The following KCNQ4 variants were observed in gnomAD, a reference collection of about 807,000 sequenced individuals.
KCNQ4 encodes the protein potassium voltage-gated channel subfamily KQT member 4.
In KCNQ4, 31 loss-of-function variants were observed where a neutral mutation model predicts 72.6. The observed-to-expected ratio is 0.43, with a 90% CI of 0.32 to 0.58. The LOEUF (loss-of-function observed/expected upper bound fraction) is 0.58. Among genes scored for constraint, KCNQ4 ranks in the 20% least tolerant of loss-of-function variants. The probability of loss-of-function intolerance (pLI) is 0.08; values close to 1 mark genes in which losing one functional copy is unlikely to be tolerated. For missense variants in KCNQ4, 869 were observed against 962.6 expected, an observed-to-expected ratio of 0.90 and a Z score of 1.29; for synonymous variants, 405 against 403.7, an observed-to-expected ratio of 1.00 and a Z score of -0.04.
intron 1 of KCNQ4, among the ~76,000 whole-genome samples, chr1:40,809,981 C>T (rs557939099): frequency 6.6e-6 from 1 of 152,098 alleles, no homozygotes; most frequent in African/African-American, 2.4e-5. Context: ...ACGAGAATCT[C>T]TTGAACCCAG....
At chr1:40,819,655 G>A (rs565534315) in intron 5 of KCNQ4, among the ~76,000 whole-genome samples, 183 bp downstream of exon 5, 1 of 151,150 alleles carries the variant, frequency 6.6e-6, no homozygotes, top group East Asian at 2.0e-4. Flanking sequence ...TGGTGGACCT[G>A]CCTCTGTCCC....
chr1:40,785,668 A>C (rs1225968703), intron 1 of KCNQ4, among the ~76,000 whole-genome samples: 1 of 151,686 alleles, frequency 6.6e-6, no homozygotes, highest in East Asian at 1.9e-4. Flanking sequence ...GCATCTGCCT[A>C]TCCACCTGTC....
chr1:40,823,180 G>A (rs187011126), intron 8 of KCNQ4, among the ~76,000 whole-genome samples: 1 of 152,360 alleles, frequency 6.6e-6, no homozygotes, highest in Admixed American at 6.5e-5. Flanking sequence ...TCTGCACCTG[G>A]CTTCCCCATC....
chr1:40,819,783 C>A, intron 5 of KCNQ4, 92 bp from the exon 6 acceptor site: 1 of 1,077,596 alleles, frequency 9.3e-7, no homozygotes, highest in Non-Finnish European at 1.4e-6. Flanking sequence ...GGGCCCCTTC[C>A]CTCATGATCA....
chr1:40,810,647 A>C (rs1242265099), intron 1 of KCNQ4, among the ~76,000 whole-genome samples: 2 of 152,128 alleles, frequency 1.3e-5, no homozygotes, highest in Non-Finnish European at 2.9e-5. Flanking sequence ...GTCGAGAGAG[A>C]GAGCCGTGGA....
At chr1:40,827,674 G>A (rs1021666709) in intron 9 of KCNQ4, among the ~76,000 whole-genome samples, 1 of 152,180 alleles carries the variant, frequency 6.6e-6, no homozygotes, top group Non-Finnish European at 1.5e-5. Context: ...CTGCCCATGT[G>A]TGCTTCTGCT....
In KCNQ4 at chr1:40,790,852, T is replaced by G. The variant is rs931854343; in HGVS notation, c.314+6445T>G. 1.1e-3 allele frequency among the ~76,000 whole-genome samples: 174 copies of G among 152,164 alleles called. 1 individual carries two copies. The highest frequency in any genetic ancestry group is 3.8e-3 in the African/African-American group (158 of 41,520). On this transcript the variant is annotated intron_variant, in intron 1 of 13. Transcript: ENST00000347132. ...GCCGGGACCACTGGCCTCAGCTGCT[T>G]CTTCTCCCAGGGAGAGGTTTGGAGA...
rs746781318 is a variant in KCNQ4 at position 40,834,958 on chromosome 1, C to G, written c.1614-9C>G. ...CAGGACACTCCCTCTGAGCCCCCTC[C>G]CCCAACAGGATTCTCAAGTTCCTGG... On this transcript the variant is annotated splice_polypyrimidine_tract_variant and intron_variant, in intron 11 of 13. Coordinates refer to ENST00000347132, the MANE Select transcript of KCNQ4 (RefSeq NM_004700.4). The G allele has an allele frequency of 1.9e-6, 3 of 1,613,118 alleles. No homozygotes were observed. The Admixed American group carries it at 5.0e-5, about 27-fold the overall frequency.
At position 40,837,795 on chromosome 1, in the gene KCNQ4, G is replaced by A. The variant is rs1364593391; in HGVS notation, c.1875+1G>A. 1 of 1,606,892 alleles carries A rather than the reference G, an allele frequency of 6.2e-7. No individual in the cohort carries two copies. The highest frequency in any genetic ancestry group is 1.7e-5 in the Admixed American group (1 of 58,740). On this transcript the variant is annotated splice_donor_variant, in intron 13 of 13. Transcript: ENST00000347132. LOFTEE classifies it high-confidence loss of function. ...ACGCGTGGTCAAGGTGGAGAAGCAG[G>A]TGAGTGTAGGATGGGGTGGCGGAGC...
chr1:40,819,177 G>A (rs796482399), intron 4 of KCNQ4, among the ~76,000 whole-genome samples, 170 bp from the exon 5 acceptor site: 4 of 151,612 alleles, frequency 2.6e-5, no homozygotes, highest in African/African-American at 7.3e-5. Context: ...GAGTGCTGGC[G>A]GTTTCGCGAA....
Position 40,788,653 on chromosome 1 carries a change from G to A in KCNQ4, c.314+4246G>A, listed in dbSNP as rs1251713215. Among the ~76,000 whole-genome samples the A allele has an allele frequency of 1.3e-5, 2 of 152,178 alleles. No homozygotes were observed. The highest frequency in any genetic ancestry group is 2.9e-5 in the Non-Finnish European group (2 of 68,032). On this transcript the variant is annotated intron_variant, in intron 1 of 13. Coordinates refer to ENST00000347132, the MANE Select transcript of KCNQ4 (RefSeq NM_004700.4). The surrounding 1 kb of genome is among the most constrained non-coding windows in gnomAD (Gnocchi z 4.5). ...GGGAGCTGTTGCGCTCAGCACCACA[G>A]CCTCAGCTAGCAGCACCCCAAGTCC... is the stretch of plus-strand genomic sequence containing the variant.
intron 1 of KCNQ4, among the ~76,000 whole-genome samples, chr1:40,786,802 C>G (rs1292622860): frequency 6.6e-6 from 1 of 151,976 alleles, no homozygotes; most frequent in South Asian, 2.1e-4. Flanking sequence ...GCTTGAAAGA[C>G]GGTTGTTATT....
intron 1 of KCNQ4, among the ~76,000 whole-genome samples, chr1:40,786,046 G>T (rs1203155387): frequency 3.3e-5 from 5 of 152,172 alleles, no homozygotes. Context: ...AATATTTGTG[G>T]CTATAAAGAG....
rs199542863 is a variant in KCNQ4 at position 40,838,266 on chromosome 1, C to G, written c.1876-45C>G. Reference sequence around the variant, plus strand: ...CCCAAGCCCCGCCCCCGGCCGCGTCCCCTCCGGTCCCAGGCCCTGCTTCCC... The same window carrying G: ...CCCAAGCCCCGCCCCCGGCCGCGTCGCCTCCGGTCCCAGGCCCTGCTTCCC... On this transcript the variant is annotated intron_variant, in intron 13 of 13. Coordinates refer to ENST00000347132, the MANE Select transcript of KCNQ4 (RefSeq NM_004700.4). 453 of 1,572,578 alleles carry G rather than the reference C, an allele frequency of 2.9e-4. 1 individual carries two copies. The African/African-American group carries it at 5.6e-3, about 20-fold the overall frequency.
At chr1:40,830,770 G>A (rs1648618437) in intron 9 of KCNQ4, among the ~76,000 whole-genome samples, 1 of 151,960 alleles carries the variant, frequency 6.6e-6, no homozygotes, top group African/African-American at 2.4e-5. Flanking sequence ...CCTCCTGTCT[G>A]TGTCTCTGAC....
At position 40,831,189 on chromosome 1, in the gene KCNQ4, C is replaced by T. The variant is rs1425616229; in HGVS notation, c.1398C>T (p.Ser466=). ...CTCCAACAATGCCCACCTCCCCAAG[C>T]AGCGAGCAGGTGGGTGAGGCCACCA... is the stretch of plus-strand genomic sequence containing the variant. ...LAPPTMPTSP[S]SEQVGEATSP... is the part of the protein sequence containing the mutation. The change falls in exon 10 of 14, where the codon AGC becomes AGT. Residue 466 remains serine (S), a synonymous_variant. Transcript: ENST00000347132. The T allele has an allele frequency of 1.2e-6, 2 of 1,610,840 alleles. No homozygotes were observed. The highest frequency in any genetic ancestry group is 3.3e-4 in the Middle Eastern group (2 of 6,056).
intron 1 of KCNQ4, among the ~76,000 whole-genome samples, chr1:40,799,926 C>A (rs1039892088): frequency 2.6e-5 from 4 of 152,182 alleles, no homozygotes; most frequent in African/African-American, 9.7e-5. Context: ...TAAAACAGAT[C>A]AAAGTAGGGC....
chr1:40,807,437 C>T (rs908484029), intron 1 of KCNQ4, among the ~76,000 whole-genome samples: 2 of 152,182 alleles, frequency 1.3e-5, no homozygotes, highest in African/African-American at 2.4e-5. Flanking sequence ...GGCGGCGGCC[C>T]TGGTGTGGGG....
intron 1 of KCNQ4, among the ~76,000 whole-genome samples, chr1:40,785,676 G>A (rs1647195566): frequency 6.6e-6 from 1 of 151,990 alleles, no homozygotes; most frequent in Non-Finnish European, 1.5e-5. Flanking sequence ...CTATCCACCT[G>A]TCCACCTGAC....
Sources: allele counts gnomAD v4.1 joint callset (sites outside exome capture counted in the v4.1 genomes callset), GRCh38; gene constraint gnomAD v4.1.1; non-coding constraint Gnocchi (gnomAD v3.1); transcripts MANE v1.5; gene names NCBI Gene and HGNC (gene_info 2026-07-23, HGNC 2026-07-21).